Variants in C17orf78 observed in about 807,000 individuals in gnomAD.
C17orf78 encodes uncharacterized protein C17orf78.
In C17orf78, 27 loss-of-function variants were observed where a neutral mutation model predicts 31.8. The observed-to-expected ratio is 0.85, with a 90% confidence interval of 0.63 to 1.17. C17orf78 has a LOEUF of 1.17. Ranked by LOEUF, C17orf78 falls within the 50% of genes most tolerant of loss-of-function variation. The pLI, the probability that C17orf78 is intolerant of heterozygous loss-of-function variation, is 0.00. For synonymous variants in C17orf78, 106 were observed against 115.1 expected, an observed-to-expected ratio of 0.92 and a Z score of 0.51; for missense variants, 258 against 315.2, an observed-to-expected ratio of 0.82 and a Z score of 1.37.
At position 37,392,160 on chromosome 17, in the gene C17orf78, C is replaced by T. The variant is rs1441787970; in HGVS notation, c.*436C>T. The T allele has an allele frequency of 5.9e-6, 1 of 169,364 alleles. No homozygotes were observed. Among genetic ancestry groups the T allele is most frequent in the African/African-American group, 2.4e-5 (1 of 42,106 alleles). 10.5% of individuals were successfully genotyped at this position (169,364 alleles called of 1,614,324 possible). On this transcript the variant is annotated 3_prime_UTR_variant, in exon 7 of 7. Coordinates refer to ENST00000615133, the MANE Select transcript of C17orf78 (RefSeq NM_173625.5). ...AGCTTAGAGTGGGACTCCTGATCTC[C>T]CTGGTTGACGTTTATAAGGTTTTGT...
rs2050886509 is a variant in C17orf78 at position 37,391,553 on chromosome 17, T to C, written c.751-94T>C. ...AAAATGAAGTGCACTTGGAATTACA[T>C]GGGGTTTTGTACTTAGCCAGCCCTT... On this transcript the variant is annotated intron_variant, in intron 6 of 6. Coordinates refer to ENST00000615133, the MANE Select transcript of C17orf78 (RefSeq NM_173625.5). 3.7e-6 allele frequency: 4 copies of C among 1,074,316 alleles called. No individual in the cohort carries two copies. The South Asian group carries it at 3.8e-5, about 10-fold the overall frequency. The allele number at this position is 1,074,316 out of a possible 1,614,324, so 66.5% of individuals were successfully genotyped here. A position where few individuals can be genotyped will look rare whatever the true frequency, so the allele number is the denominator to read the frequency against.
chr17:37,389,410 G>T, intron 6 of C17orf78, 48 bp downstream of exon 6: 1 of 1,547,580 alleles, frequency 6.5e-7, no homozygotes, highest in Non-Finnish European at 8.7e-7. Context: ...AGAAGGTGGG[G>T]TAGGGGCCGG....
Position 37,376,075 on chromosome 17 carries a change from G to C in C17orf78, c.-18G>C, listed in dbSNP as rs780786842. On this transcript the variant is annotated 5_prime_UTR_variant, in exon 1 of 7. Coordinates refer to ENST00000615133, the MANE Select transcript of C17orf78 (RefSeq NM_173625.5). ...ATGAGCAGTGGTCTGTCTGCAATGA[G>C]CATGTGCTCAAGCTAACATGGATAC... The C allele has an allele frequency of 1.2e-6, 2 of 1,606,572 alleles. No individual in the cohort carries two copies. The highest frequency in any genetic ancestry group is 1.7e-6 in the Non-Finnish European group (2 of 1,173,244).
intron 4 of C17orf78, 85 bp downstream of exon 4, chr17:37,386,210 G>A (rs531310753): frequency 2.6e-5 from 21 of 823,176 alleles, no homozygotes; most frequent in South Asian, 1.7e-4. Flanking sequence ...TAGCCCCAGC[G>A]TTAGTCTGGA....
intron 4 of C17orf78, 145 bp downstream of exon 4, chr17:37,386,270 A>C (rs1414409603): frequency 2.5e-5 from 15 of 599,044 alleles, no homozygotes; most frequent in Non-Finnish European, 5.7e-6. Context: ...GTACATTGAA[A>C]AATCATTCAA....
chr17:37,389,343 C>G lies in C17orf78; in HGVS notation c.731C>G (p.Pro244Arg). 1 of 1,589,244 alleles carries G rather than the reference C, an allele frequency of 6.3e-7. No individual in the cohort carries two copies. The highest frequency in any genetic ancestry group is 1.2e-5 in the South Asian group (1 of 86,776). The change falls in exon 6 of 7, where the codon CCT becomes CGT. Residue 244 changes from proline (P) to arginine (R), a missense_variant. Physicochemically the swap from Pro to Arg is moderately radical, Grantham distance 103. Transcript: ENST00000615133. ...CCACCTGGGACAGCTGAATCCAAGC[C>G]TGACTCTCAGCCCCAGAAGGAAAGT... ...GQPPGTAESK[P>R]DSQPQKVGQD...
chr17:37,381,916 T>G (rs78170395), intron 3 of C17orf78, among the ~76,000 whole-genome samples: 2 of 151,946 alleles, frequency 1.3e-5, no homozygotes, highest in Non-Finnish European at 2.9e-5. Context: ...CGTGAGCCAC[T>G]GCACCCGGCC....
intron 1 of C17orf78, among the ~76,000 whole-genome samples, chr17:37,376,703 C>T (rs1211122482): frequency 2.6e-5 from 4 of 152,086 alleles, no homozygotes; most frequent in Non-Finnish European, 4.4e-5. Flanking sequence ...GACTGTAATC[C>T]CAGCACTTTG....
At chr17:37,380,007 A>G (rs1597747573) in intron 3 of C17orf78, among the ~76,000 whole-genome samples, 1 of 151,266 alleles carries the variant, frequency 6.6e-6, no homozygotes, top group African/African-American at 2.4e-5. Flanking sequence ...TCACAATAGC[A>G]AAGACTTGGA....
intron 6 of C17orf78, among the ~76,000 whole-genome samples, chr17:37,390,284 TA>T (rs2050779158): frequency 1.6e-5 from 1 of 62,088 alleles, no homozygotes; most frequent in African/African-American, 7.7e-5. Flanking sequence ...ATATTATATA[TA>T]ATTATATATT....
chr17:37,381,425 T>A (rs2139297), intron 3 of C17orf78, among the ~76,000 whole-genome samples: 91,105 of 151,552 alleles, frequency 0.6, 28,505 homozygotes, highest in East Asian at 0.99. Flanking sequence ...ACTTCAAGTG[T>A]TTCACCCACC....
At chr17:37,376,868 T>A (rs1283444474) in intron 1 of C17orf78, among the ~76,000 whole-genome samples, 1 of 151,990 alleles carries the variant, frequency 6.6e-6, no homozygotes, top group Non-Finnish European at 1.5e-5. Flanking sequence ...GGCATAAGAA[T>A]CACTTAAACC....
Position 37,379,278 on chromosome 17 carries a change from A to G in C17orf78, c.287A>G (p.Asn96Ser), listed in dbSNP as rs758249590. ...RRPKVKHILK[N>S]LRIIAAPRRN... ...CCAAAGGTCAAGCATATTTTGAAGA[A>G]CCTGAGAATCATTGCTGCTCCCCGC... Residue 96 changes from asparagine (N) to serine (S), a missense_variant, in exon 3 of 7, where the codon AAC (asparagine) becomes AGC (serine). By Grantham distance (46) the Asn-to-Ser change is conservative. Coordinates refer to ENST00000615133, the MANE Select transcript of C17orf78 (RefSeq NM_173625.5). The G allele has an allele frequency of 1.9e-6, 3 of 1,613,986 alleles. No individual in the cohort carries two copies. The highest frequency in any genetic ancestry group is 1.1e-5 in the South Asian group (1 of 91,084).
At chr17:37,390,211 ATATT>A (rs1266541670) in intron 6 of C17orf78, among the ~76,000 whole-genome samples, 3 of 77,578 alleles carry the variant, frequency 3.9e-5, no homozygotes, top group Non-Finnish European at 6.5e-5. Context: ...ATATAATTAT[ATATT>A]TATTATATAT....
At chr17:37,383,150 C>G (rs1358890250) in intron 3 of C17orf78, among the ~76,000 whole-genome samples, 1 of 152,138 alleles carries the variant, frequency 6.6e-6, no homozygotes, top group African/African-American at 2.4e-5. Flanking sequence ...CTGTCCATGG[C>G]AGCTGTGTTG....
intron 6 of C17orf78, among the ~76,000 whole-genome samples, chr17:37,390,303 A>ATT (rs1167945419): frequency 0.071 from 1,399 of 19,768 alleles, 161 homozygotes; most frequent in Middle Eastern, 0.21. Context: ...ATTATACATA[A>ATT]TTATATATAT....
intron 3 of C17orf78, among the ~76,000 whole-genome samples, chr17:37,381,296 C>T (rs1412859549): frequency 6.6e-6 from 1 of 151,978 alleles, no homozygotes. Context: ...CGTGATTCTC[C>T]TGTCTCAGCT....
In C17orf78 at chr17:37,389,155, G is replaced by C. The variant is rs142422952; in HGVS notation, c.634-91G>C. 315 of 1,435,290 alleles carry C rather than the reference G, an allele frequency of 2.2e-4. 1 individual carries two copies. In the African/African-American group the frequency reaches 3.2e-3, roughly 15 times the overall value. 88.9% of individuals were successfully genotyped at this position (1,435,290 alleles called of 1,614,324 possible). On this transcript the variant is annotated intron_variant, in intron 5 of 6. Coordinates refer to ENST00000615133, the MANE Select transcript of C17orf78 (RefSeq NM_173625.5). ...CTGAATATTTTATTTAGAAGAGATG[G>C]CTTCCTTTAAGTTGCCCAACAAGAG...
At chr17:37,377,659 CAATA>C (rs140365002) in intron 1 of C17orf78, among the ~76,000 whole-genome samples, 48,360 of 143,306 alleles carry the variant, frequency 0.34, 8,227 homozygotes, top group East Asian at 0.45. Flanking sequence ...GACTCCGTCT[CAATA>C]AATAAATAAA....
Sources: allele counts gnomAD v4.1 joint callset (sites outside exome capture counted in the v4.1 genomes callset), GRCh38; gene constraint gnomAD v4.1.1; transcripts MANE v1.5; gene names NCBI Gene and HGNC (gene_info 2026-07-23, HGNC 2026-07-21).